SEMA6D: variants seen among roughly 807,000 people sequenced by gnomAD.
SEMA6D encodes the protein semaphorin-6D.
Under a neutral mutation model 106.6 loss-of-function variants are expected in SEMA6D, and 35 were observed. The observed-to-expected ratio is 0.33, with a 90% CI of 0.25 to 0.44. The LOEUF is 0.44. Among genes scored for constraint, SEMA6D ranks in the 20% least tolerant of loss-of-function variants. The pLI is 1.00. For synonymous variants in SEMA6D, 499 were observed against 487.7 expected, an observed-to-expected ratio of 1.02 and a Z score of -0.31; for missense variants, 1,185 against 1,345.9, an observed-to-expected ratio of 0.88 and a Z score of 1.87.
intron 4 of SEMA6D, among the ~76,000 whole-genome samples, chr15:47,614,240 C>G (rs147998029): frequency 1.3e-5 from 2 of 152,316 alleles, no homozygotes; most frequent in East Asian, 3.9e-4. Flanking sequence ...GCCCAAACCA[C>G]TTCCCTGGCA....
intron 2 of SEMA6D, among the ~76,000 whole-genome samples, chr15:47,414,313 T>A (rs961508060): frequency 6.6e-6 from 1 of 152,200 alleles, no homozygotes; most frequent in African/African-American, 2.4e-5. Flanking sequence ...CTTCTATACA[T>A]AAGTCGTGGT....
intron 1 of SEMA6D, chr15:47,397,941 C>T (rs993875908): frequency 6.6e-6 from 1 of 152,096 alleles, no homozygotes; most frequent in African/African-American, 2.4e-5. Flanking sequence ...CAGTATCTTT[C>T]AAAATGTGCT....
At chr15:47,376,517 T>G (rs2145518501) in intron 1 of SEMA6D, among the ~76,000 whole-genome samples, 1 of 152,372 alleles carries the variant, frequency 6.6e-6, no homozygotes, top group South Asian at 2.1e-4. Flanking sequence ...GTGTTCAGCT[T>G]TCTAGCCGAG....
At chr15:47,567,182 A>C (rs962624354) in intron 3 of SEMA6D, among the ~76,000 whole-genome samples, 1 of 152,130 alleles carries the variant, frequency 6.6e-6, no homozygotes, top group South Asian at 2.1e-4. Context: ...TTTAATTATA[A>C]TTTTCTGCAT....
intron 3 of SEMA6D, among the ~76,000 whole-genome samples, chr15:47,471,572 TG>T (rs1229920001): frequency 6.6e-6 from 1 of 152,184 alleles, no homozygotes; most frequent in Non-Finnish European, 1.5e-5. Flanking sequence ...TTATGATTTC[TG>T]TCTCCTGTGA....
intron 2 of SEMA6D, among the ~76,000 whole-genome samples, chr15:47,442,286 C>T (rs1335559350): frequency 6.6e-6 from 1 of 152,092 alleles, no homozygotes; most frequent in Admixed American, 6.6e-5. Flanking sequence ...CTTCACCCTC[C>T]TTTTCCTATG....
At chr15:47,198,121 C>T (rs772901882) in intron 1 of SEMA6D, among the ~76,000 whole-genome samples, 4 of 151,918 alleles carry the variant, frequency 2.6e-5, no homozygotes, top group South Asian at 2.1e-4. Flanking sequence ...CTCACTCACA[C>T]GTGGAATGTA....
chr15:47,377,121 A>T (rs1026822124), intron 1 of SEMA6D, among the ~76,000 whole-genome samples: 6 of 152,206 alleles, frequency 3.9e-5, no homozygotes, highest in African/African-American at 1.4e-4. Context: ...AATTTATTTG[A>T]CCCACCTTGA....
intron 4 of SEMA6D, among the ~76,000 whole-genome samples, chr15:47,627,652 A>G (rs1283695480): frequency 6.6e-6 from 1 of 152,172 alleles, no homozygotes; most frequent in African/African-American, 2.4e-5. Context: ...AGACAATTGT[A>G]GATTGACACA....
chr15:47,540,054 G>GTA (rs386382908), intron 3 of SEMA6D, among the ~76,000 whole-genome samples: 5 of 151,920 alleles, frequency 3.3e-5, no homozygotes, highest in African/African-American at 9.7e-5. Flanking sequence ...CTGTGTGTGT[G>GTA]TGTGTGTTTG....
chr15:47,447,546 T>A (rs2042065852), intron 2 of SEMA6D, among the ~76,000 whole-genome samples: 1 of 152,136 alleles, frequency 6.6e-6, no homozygotes, highest in Non-Finnish European at 1.5e-5. Flanking sequence ...ACACCCCAAC[T>A]CCACAGGGGC....
intron 1 of SEMA6D, among the ~76,000 whole-genome samples, chr15:47,256,928 C>T (rs2033832893): frequency 6.6e-6 from 1 of 152,056 alleles, no homozygotes; most frequent in African/African-American, 2.4e-5. Context: ...CTATGTATTC[C>T]ATCATGTCAT....
intron 1 of SEMA6D, among the ~76,000 whole-genome samples, chr15:47,376,189 G>A (rs2039443340): frequency 6.6e-6 from 1 of 152,146 alleles, no homozygotes. Context: ...CGAAGGGTTG[G>A]GCAGTGCTTC....
At chr15:47,440,540 C>T (rs1596001505) in intron 2 of SEMA6D, among the ~76,000 whole-genome samples, 1 of 151,914 alleles carries the variant, frequency 6.6e-6, no homozygotes, top group Non-Finnish European at 1.5e-5. Flanking sequence ...ACAAGACCCC[C>T]AGCTAAACTT....
chr15:47,660,388 A>C (rs971412063), intron 4 of SEMA6D, among the ~76,000 whole-genome samples: 2 of 152,198 alleles, frequency 1.3e-5, no homozygotes, highest in African/African-American at 4.8e-5. Flanking sequence ...TACTTTTTTA[A>C]ACATGGCAGA....
At chr15:47,730,815 A>G (rs755310882) in intron 1 of SEMA6D, 22 of 1,557,420 alleles carry the variant, frequency 1.4e-5, no homozygotes, top group Admixed American at 5.0e-5. Context: ...TGTCCTGTCC[A>G]ATGCCAAAAT....
At chr15:47,415,652 C>T (rs1029294761) in intron 2 of SEMA6D, among the ~76,000 whole-genome samples, 1 of 152,056 alleles carries the variant, frequency 6.6e-6, no homozygotes, top group African/African-American at 2.4e-5. Context: ...ATCTGTAAGA[C>T]AAATATACCC....
chr15:47,304,242 A>C (rs2036138340), intron 1 of SEMA6D, among the ~76,000 whole-genome samples: 2 of 151,874 alleles, frequency 1.3e-5, no homozygotes. Flanking sequence ...GTGGGAGTTC[A>C]AGACCAGCCT....
chr15:47,335,393 G>A (rs573006117), intron 1 of SEMA6D, among the ~76,000 whole-genome samples: 3 of 152,220 alleles, frequency 2.0e-5, no homozygotes, highest in African/African-American at 7.2e-5. Context: ...AGCCAGTGTA[G>A]TGAACTGAAT....
Sources: gnomAD v4.1 joint callset for allele counts (sites outside exome capture counted in the v4.1 genomes callset) on GRCh38, gnomAD v4.1.1 for gene constraint, MANE v1.5 for transcripts, NCBI Gene and HGNC (gene_info 2026-07-23, HGNC 2026-07-21) for gene names.